Variants in RBFOX1 observed in about 807,000 individuals in gnomAD.
RBFOX1 encodes RNA binding protein fox-1 homolog 1.
In RBFOX1, 8 loss-of-function variants were observed where a neutral mutation model predicts 57.7. The observed-to-expected ratio is 0.14, with a 90% CI of 0.08 to 0.25. The LOEUF (loss-of-function observed/expected upper bound fraction) is 0.25, where lower values mean the gene tolerates loss of function less well. Ranked by LOEUF, RBFOX1 falls within the 10% of genes least tolerant of loss-of-function variation. The probability of loss-of-function intolerance (pLI) is 1.00; values close to 1 mark genes in which losing one functional copy is unlikely to be tolerated. For synonymous variants in RBFOX1, 326 were observed against 222.4 expected (o/e 1.47, Z -4.15); for missense variants, 611 against 548.5 (o/e 1.11, Z -1.14).
intron 1 of RBFOX1, among the ~76,000 whole-genome samples, chr16:6,119,350 T>A (rs2152625781): frequency 6.6e-6 from 1 of 152,290 alleles, no homozygotes; most frequent in East Asian, 1.9e-4. Flanking sequence ...AAGTGATGTG[T>A]CCTTAGCAGA....
intron 2 of RBFOX1, among the ~76,000 whole-genome samples, chr16:6,605,779 AAAC>A (rs1328767981): frequency 6.6e-6 from 1 of 152,152 alleles, no homozygotes; most frequent in Non-Finnish European, 1.5e-5. Context: ...TTTCATTATG[AAAC>A]AACACACGGG....
chr16:5,918,681 G>C (rs2152223903), intron 4 of RBFOX1, among the ~76,000 whole-genome samples: 2 of 152,334 alleles, frequency 1.3e-5, no homozygotes, highest in South Asian at 4.1e-4. Context: ...AACTCATTCA[G>C]TTAACCAAGA....
At chr16:5,451,933 G>C (rs941096374) in intron 1 of RBFOX1, among the ~76,000 whole-genome samples, 4 of 152,044 alleles carry the variant, frequency 2.6e-5, no homozygotes, top group African/African-American at 9.7e-5. Context: ...AGCTCCAGCT[G>C]TATGGCTGTC....
chr16:6,442,440 C>T (rs543471454), intron 2 of RBFOX1, among the ~76,000 whole-genome samples: 1 of 152,092 alleles, frequency 6.6e-6, no homozygotes, highest in African/African-American at 2.4e-5. Flanking sequence ...GCCTGTAATC[C>T]CAGCTACTCA....
chr16:7,537,706 A>G (rs1343176700), intron 5 of RBFOX1, among the ~76,000 whole-genome samples: 2 of 152,182 alleles, frequency 1.3e-5, no homozygotes, highest in Non-Finnish European at 2.9e-5. Context: ...CCAGGCCCTT[A>G]TGCTTGGGTC....
At chr16:7,408,654 C>T (rs763552866) in intron 4 of RBFOX1, among the ~76,000 whole-genome samples, 2 of 152,228 alleles carry the variant, frequency 1.3e-5, no homozygotes, top group African/African-American at 2.4e-5. Context: ...TCCTACAGCA[C>T]GTTTCTCCAC....
chr16:6,480,489 C>A (rs148633636), intron 2 of RBFOX1, among the ~76,000 whole-genome samples: 2 of 152,108 alleles, frequency 1.3e-5, no homozygotes, highest in Non-Finnish European at 2.9e-5. Flanking sequence ...TTACACATCA[C>A]GAAATATTAT....
chr16:7,283,858 C>T (rs1267236122), intron 4 of RBFOX1, among the ~76,000 whole-genome samples: 4 of 152,128 alleles, frequency 2.6e-5, no homozygotes, highest in Non-Finnish European at 1.5e-5. Context: ...TCAATAAGTG[C>T]ATACAGTGAT....
At chr16:7,391,826 G>A (rs1213439600) in intron 4 of RBFOX1, among the ~76,000 whole-genome samples, 1 of 152,122 alleles carries the variant, frequency 6.6e-6, no homozygotes, top group Non-Finnish European at 1.5e-5. Context: ...ATGAATGAAT[G>A]AATGAATGGG....
At chr16:6,553,211 A>G (rs1395017649) in intron 2 of RBFOX1, among the ~76,000 whole-genome samples, 1 of 152,120 alleles carries the variant, frequency 6.6e-6, no homozygotes, top group East Asian at 1.9e-4. Flanking sequence ...CACGCTATGG[A>G]TTTGAGATGT....
At chr16:7,248,079 A>C (rs2094374997) in intron 4 of RBFOX1, among the ~76,000 whole-genome samples, 1 of 152,256 alleles carries the variant, frequency 6.6e-6, no homozygotes, top group African/African-American at 2.4e-5. Context: ...TGGTTCTGGA[A>C]GGAAGAATAA....
chr16:5,537,277 C>G (rs1174601848), intron 2 of RBFOX1, among the ~76,000 whole-genome samples: 1 of 152,172 alleles, frequency 6.6e-6, no homozygotes, highest in Non-Finnish European at 1.5e-5. Flanking sequence ...AGTTTCTCCC[C>G]ATTGCCCAAT....
At chr16:6,841,573 C>T (rs1343624336) in intron 3 of RBFOX1, among the ~76,000 whole-genome samples, 7 of 152,168 alleles carry the variant, frequency 4.6e-5, no homozygotes, top group African/African-American at 7.2e-5. Flanking sequence ...CTTTCTCCTA[C>T]GAGCTGTCCA....
At chr16:7,485,068 T>G (rs1043503529) in intron 4 of RBFOX1, among the ~76,000 whole-genome samples, 4 of 152,166 alleles carry the variant, frequency 2.6e-5, no homozygotes, top group Non-Finnish European at 5.9e-5. Flanking sequence ...TCCACTTTTT[T>G]TTTTTTTTAA....
At chr16:6,056,346 G>C (rs889357260) in intron 1 of RBFOX1, among the ~76,000 whole-genome samples, 3 of 152,214 alleles carry the variant, frequency 2.0e-5, no homozygotes, top group African/African-American at 7.2e-5. Context: ...ATTCTAATGA[G>C]TTTGAATGAA....
At chr16:5,263,676 A>G (rs960093667) in intron 1 of RBFOX1, among the ~76,000 whole-genome samples, 1 of 152,146 alleles carries the variant, frequency 6.6e-6, no homozygotes, top group Non-Finnish European at 1.5e-5. Context: ...GAGATGGGAA[A>G]GGCAGAGGAA....
chr16:7,102,988 GACAC>G (rs142339537), intron 4 of RBFOX1, among the ~76,000 whole-genome samples: 6 of 150,938 alleles, frequency 4.0e-5, no homozygotes, highest in South Asian at 4.2e-4. Flanking sequence ...TGTGTGTACA[GACAC>G]ACACACACAC....
At chr16:5,953,628 A>G (rs766836661) in intron 4 of RBFOX1, among the ~76,000 whole-genome samples, 55 of 152,096 alleles carry the variant, frequency 3.6e-4, no homozygotes, top group Middle Eastern at 3.4e-3. Context: ...CACTTAGAAT[A>G]ATAGTCTCTA....
At chr16:5,862,670 T>C (rs991613191) in intron 3 of RBFOX1, among the ~76,000 whole-genome samples, 1 of 152,172 alleles carries the variant, frequency 6.6e-6, no homozygotes, top group Admixed American at 6.5e-5. Context: ...ATCTCTTTGA[T>C]CCTTATCTGG....
Sources: allele counts gnomAD v4.1 joint callset (sites outside exome capture counted in the v4.1 genomes callset), GRCh38; gene constraint gnomAD v4.1.1; transcripts MANE v1.5; gene names NCBI Gene and HGNC (gene_info 2026-07-23, HGNC 2026-07-21).